NOX1: variants seen among roughly 807,000 people sequenced by gnomAD.
NOX1 encodes the protein NADH/NADPH mitogenic oxidase subunit P65-MOX.
NOX1 carries 34 observed loss-of-function variants against 42.5 expected under a neutral mutation model. That is an observed-to-expected ratio of 0.80 (90% confidence interval 0.61 to 1.07). The LOEUF is 1.07. Ranked by LOEUF, NOX1 falls within the 50% of genes least tolerant of loss-of-function variation. The probability of loss-of-function intolerance (pLI) is 0.00; values close to 1 mark genes in which losing one functional copy is unlikely to be tolerated. For missense variants in NOX1, 408 were observed against 427.0 expected (o/e 0.96, Z 0.39); for synonymous variants, 143 against 152.5 (o/e 0.94, Z 0.46).
intron 7 of NOX1, among the ~76,000 whole-genome samples, chrX:100,853,258 C>CTT (rs1569445448): frequency 5.3e-5 from 2 of 37,703 alleles, no homozygotes; most frequent in African/African-American, 1.2e-4. Context: ...TCCTTCCTTC[C>CTT]TTCCTTTCTT....
intron 12 of NOX1, among the ~76,000 whole-genome samples, chrX:100,845,605 CTA>C (rs1335157362): frequency 3.4e-5 from 3 of 87,584 alleles, no homozygotes; most frequent in Non-Finnish European, 6.4e-5. Context: ...CATATGGAAA[CTA>C]TGTGTTTTTT....
Position 100,849,374 on chromosome X carries a change from T to A in NOX1, c.1349A>T (p.Asn450Ile). The A allele has an allele frequency of 8.3e-7, 1 of 1,210,222 alleles. No homozygotes were observed. The highest frequency in any genetic ancestry group is 1.8e-5 in the South Asian group (1 of 56,868). The change falls in exon 11 of 13, where the codon AAC becomes ATC. Residue 450 changes from asparagine to isoleucine, a missense_variant. By Grantham distance (149) the Asn-to-Ile change is moderately radical (BLOSUM62 -3). Coordinates refer to ENST00000372966, the MANE Select transcript of NOX1 (RefSeq NM_007052.5). ...RETGAFSWFN[N>I]LLTSLEQEME... ...CTCCTGTTCCAGGGAAGTCAACAGGTTGTTGAACCAGGAAAAGGCACCTGT... is the reference window on the plus strand; with the variant it reads ...CTCCTGTTCCAGGGAAGTCAACAGGATGTTGAACCAGGAAAAGGCACCTGT...
At chrX:100,864,893 T>C (rs1198661783) in intron 2 of NOX1, among the ~76,000 whole-genome samples, 1 of 112,335 alleles carries the variant, frequency 8.9e-6, no homozygotes, top group Admixed American at 9.4e-5. Flanking sequence ...CCTTACATTG[T>C]GTGCCTGTCA....
At chrX:100,852,361 C>T (rs113208669) in intron 7 of NOX1, among the ~76,000 whole-genome samples, 2,717 of 110,698 alleles carry the variant, frequency 0.025, 76 homozygotes, top group African/African-American at 0.085. Context: ...CCCAGACACT[C>T]GGGAGACTGA....
chrX:100,866,119 G>A (rs937062971), intron 2 of NOX1, among the ~76,000 whole-genome samples: 9 of 109,764 alleles, frequency 8.2e-5, no homozygotes, highest in African/African-American at 3.0e-4. Context: ...CTACTTGGGA[G>A]ACTGAGGCAG....
intron 12 of NOX1, among the ~76,000 whole-genome samples, chrX:100,847,924 C>T (rs1157071407): frequency 9.1e-6 from 1 of 110,348 alleles, no homozygotes; most frequent in Non-Finnish European, 1.9e-5. Flanking sequence ...GTCTCAAAAC[C>T]CTCCAGAAAG....
At chrX:100,872,464 G>C (rs2085281091) in intron 1 of NOX1, among the ~76,000 whole-genome samples, 1 of 111,496 alleles carries the variant, frequency 9.0e-6, no homozygotes, top group African/African-American at 3.3e-5. Flanking sequence ...ACAAGACCTG[G>C]GAGGAAGGAG....
intron 7 of NOX1, among the ~76,000 whole-genome samples, chrX:100,859,379 A>G (rs2085188322): frequency 9.0e-6 from 1 of 111,499 alleles, no homozygotes; most frequent in Admixed American, 9.6e-5. Context: ...ATCATCAGGG[A>G]TATTGGCCTG....
chrX:100,871,698 G>T (rs1469264731), intron 1 of NOX1, among the ~76,000 whole-genome samples: 1 of 111,657 alleles, frequency 9.0e-6, no homozygotes, highest in Non-Finnish European at 1.9e-5. Context: ...GCCCAAGTGT[G>T]GAGGTGCTAG....
intron 1 of NOX1, among the ~76,000 whole-genome samples, chrX:100,871,636 G>A (rs867162930): frequency 8.9e-6 from 1 of 111,944 alleles, no homozygotes; most frequent in African/African-American, 3.2e-5. Flanking sequence ...GGCTAAAGGT[G>A]AAATTTGGAA....
chrX:100,873,988 A>G (rs1321057995), intron 1 of NOX1, 107 bp downstream of exon 1: 1 of 581,707 alleles, frequency 1.7e-6, no homozygotes, highest in African/African-American at 2.3e-5. Flanking sequence ...GATGAGCCCA[A>G]TAATCGGCAT....
intron 2 of NOX1, among the ~76,000 whole-genome samples, chrX:100,866,221 C>CAA (rs34462542): frequency 0.02 from 1,467 of 72,702 alleles, 17 homozygotes; most frequent in South Asian, 0.038. Flanking sequence ...GACTCCATCT[C>CAA]AAAAAAAAAA....
intron 1 of NOX1, 34 bp downstream of exon 1, chrX:100,874,061 C>T: frequency 1.9e-6 from 2 of 1,036,197 alleles, no homozygotes; most frequent in Non-Finnish European, 2.7e-6. Flanking sequence ...CTCCTTAATC[C>T]TTCCTAATTA....
intron 12 of NOX1, among the ~76,000 whole-genome samples, chrX:100,847,330 CTCTT>C (rs915873754): frequency 1.8e-5 from 2 of 111,853 alleles, no homozygotes; most frequent in African/African-American, 6.5e-5. Context: ...ATCCGTGAAC[CTCTT>C]TCACGGAGTG....
chrX:100,862,645 T>A, intron 5 of NOX1, 24 bp downstream of exon 5: 5 of 1,191,483 alleles, frequency 4.2e-6, no homozygotes, highest in Non-Finnish European at 5.6e-6. Flanking sequence ...AGATCTCAGA[T>A]GCTTTGCTAG....
intron 7 of NOX1, among the ~76,000 whole-genome samples, chrX:100,851,893 G>C (rs2085116959): frequency 9.5e-6 from 1 of 105,728 alleles, no homozygotes; most frequent in Admixed American, 1.0e-4. Flanking sequence ...CTCCAGCCTG[G>C]GCAACAGAGC....
At chrX:100,863,805 T>G (rs767049911) in intron 2 of NOX1, among the ~76,000 whole-genome samples, 2 of 111,602 alleles carry the variant, frequency 1.8e-5, no homozygotes, top group South Asian at 3.8e-4. Context: ...GAAATTCCCA[T>G]GACAGTAGTT....
chrX:100,846,638 C>CCT (rs751505866), intron 12 of NOX1, among the ~76,000 whole-genome samples: 1 of 110,221 alleles, frequency 9.1e-6, no homozygotes, highest in African/African-American at 3.3e-5. Context: ...TCTCTCCCTC[C>CCT]CTCTCTCTCT....
intron 1 of NOX1, among the ~76,000 whole-genome samples, chrX:100,873,084 C>T (rs1291237852): frequency 1.8e-5 from 2 of 109,881 alleles, no homozygotes; most frequent in Non-Finnish European, 3.8e-5. Context: ...ATCACACCTT[C>T]TCTCTTCTGT....
Sources: gnomAD v4.1 joint callset for allele counts (sites outside exome capture counted in the v4.1 genomes callset) on GRCh38, gnomAD v4.1.1 for gene constraint, MANE v1.5 for transcripts, NCBI Gene and HGNC (gene_info 2026-07-23, HGNC 2026-07-21) for gene names.